Variants in DNAJB1 observed in about 807,000 individuals in gnomAD.
DNAJB1 encodes the protein DnaJ heat shock protein family (Hsp40) member B1.
Under a neutral mutation model 24.0 loss-of-function variants are expected in DNAJB1, and 14 were observed. The ratio of observed to expected loss-of-function variants is 0.58; its 90% CI spans 0.39 to 0.91. DNAJB1 has a LOEUF of 0.91. Ranked by LOEUF, DNAJB1 falls within the 40% of genes least tolerant of loss-of-function variation. The pLI is 0.00. For synonymous variants in DNAJB1, 262 were observed against 174.4 expected (o/e 1.50, Z -3.96); for missense variants, 517 against 458.1 (o/e 1.13, Z -1.17).
Position 14,516,645 on chromosome 19 carries a change from T to C in DNAJB1, c.613A>G (p.Thr205Ala). The stretch of plus-strand genomic sequence containing the variant: ...TTCCACCCCTTCTTCACTTCGATGG[T>C]CAATATTTTGTCTTCGTTTCGAATG... ...KSIRNEDKIL[T>A]IEVKKGWKEG... Residue 205 changes from threonine (T) to alanine (A), a missense_variant, in exon 2 of 3, where the codon ACC becomes GCC. Physicochemically the swap from Thr to Ala is moderately conservative, Grantham distance 58. Coordinates refer to ENST00000254322, the MANE Select transcript of DNAJB1 (RefSeq NM_006145.3). The C allele has an allele frequency of 1.2e-6, 2 of 1,614,174 alleles. No individual in the cohort carries two copies. The highest frequency in any genetic ancestry group is 1.7e-6 in the Non-Finnish European group (2 of 1,180,012).
intron 1 of DNAJB1, among the ~76,000 whole-genome samples, chr19:14,536,091 C>G (rs73002841): frequency 0.35 from 52,680 of 151,806 alleles, 9,538 homozygotes; most frequent in Non-Finnish European, 0.41. Flanking sequence ...ACCCAGAGAA[C>G]AAGGCCTTTT....
At chr19:14,536,923 C>T (rs4926126) in intron 1 of DNAJB1, among the ~76,000 whole-genome samples, 1 of 145,972 alleles carries the variant, frequency 6.9e-6, no homozygotes, top group African/African-American at 2.6e-5. Flanking sequence ...CGGCCCTACT[C>T]ACCTCTGGAC....
chr19:14,527,734 A>G (rs2072457998), exon 2 of DNAJB1: 2 of 152,100 alleles, frequency 1.3e-5, no homozygotes, highest in Admixed American at 6.6e-5. Context: ...ACCTTTAAGG[A>G]CTTCTCATCG....
intron 1 of DNAJB1, 185 bp from the exon 2 acceptor site, chr19:14,517,231 G>A (rs930194489): frequency 5.0e-6 from 3 of 603,596 alleles, no homozygotes; most frequent in Admixed American, 6.2e-5. Context: ...CCTACCAACA[G>A]TATTTCCGCG....
intron 1 of DNAJB1, among the ~76,000 whole-genome samples, chr19:14,549,211 C>CTTTTTTTTT (rs561284094): frequency 2.3e-4 from 26 of 111,160 alleles, no homozygotes; most frequent in South Asian, 3.3e-4. Context: ...TTTAATTGGA[C>CTTTTTTTTT]TTTTTTTTTT....
chr19:14,528,824 A>G (rs896224470), intron 1 of DNAJB1, among the ~76,000 whole-genome samples: 1 of 152,020 alleles, frequency 6.6e-6, no homozygotes, highest in Non-Finnish European at 1.5e-5. Flanking sequence ...GGTGCCTGTA[A>G]TCTCATCTAC....
At chr19:14,526,092 G>C (rs1482527041) in intron 2 of DNAJB1, among the ~76,000 whole-genome samples, 1 of 152,206 alleles carries the variant, frequency 6.6e-6, no homozygotes, top group Non-Finnish European at 1.5e-5. Flanking sequence ...CACATCTCTG[G>C]CATTCAAATG....
chr19:14,516,246 T>G (rs577153117), intron 2 of DNAJB1, 76 bp from the exon 3 acceptor site: 17 of 1,515,248 alleles, frequency 1.1e-5, no homozygotes, highest in South Asian at 8.1e-5. Flanking sequence ...CCGTCTGCCA[T>G]AGATAAGACC....
Position 14,518,180 on chromosome 19 carries a change from T to G in DNAJB1, c.170A>C (p.Asp57Ala). 6.3e-7 allele frequency: 1 copy of G among 1,591,650 alleles called. No homozygotes were observed. Among genetic ancestry groups the G allele is most frequent in the African/African-American group, 1.4e-5 (1 of 73,384 alleles). Residue 57 changes from aspartate to alanine, a missense_variant, in exon 1 of 3, where the codon GAC (aspartate) becomes GCC (alanine). Asp to Ala is a moderately radical substitution (Grantham distance 126). Coordinates refer to ENST00000254322, the MANE Select transcript of DNAJB1 (RefSeq NM_006145.3). ...EIAEAYDVLSDPRKREIFDRY... is the reference protein window; with the variant it reads ...EIAEAYDVLSAPRKREIFDRY... The stretch of plus-strand genomic sequence containing the variant: ...GTCGAAGATCTCGCGCTTGCGCGGG[T>G]CGCTGAGCACGTCGTAGGCCTCAGC...
rs370152331 is a variant in DNAJB1, at chr19:14,516,901, C to T, written c.357G>A (p.Arg119=). 6.2e-7 allele frequency: 1 copy of T among 1,613,932 alleles called. No homozygotes were observed. The highest frequency in any genetic ancestry group is 8.5e-7 in the Non-Finnish European group (1 of 1,180,014). The part of the protein sequence containing the change: ...RNPFDTFFGQ[R]NGEEGMDIDD... ...CAATGTCCATGCCTTCCTCCCCGTT[C>T]CGCTGCCCAAAAAAGGTGTCAAAGG... is the stretch of plus-strand genomic sequence containing the variant. Residue 119 remains arginine (R), a synonymous_variant, in exon 2 of 3, where the codon CGG becomes CGA. Coordinates refer to ENST00000254322, the MANE Select transcript of DNAJB1 (RefSeq NM_006145.3).
upstream of DNAJB1, among the ~76,000 whole-genome samples, chr19:14,551,654 G>A (rs1310776534): frequency 6.6e-6 from 1 of 152,058 alleles, no homozygotes; most frequent in Non-Finnish European, 1.5e-5. Flanking sequence ...CCCTGCCTGG[G>A]CCCCGCTGTG....
intron 1 of DNAJB1, among the ~76,000 whole-genome samples, chr19:14,549,331 G>C (rs1236476403): frequency 6.7e-6 from 1 of 149,588 alleles, no homozygotes; most frequent in East Asian, 2.0e-4. Flanking sequence ...TCCTGCCTCA[G>C]CCTCCCAAGG....
At chr19:14,546,652 C>G (rs1357746823) in intron 1 of DNAJB1, among the ~76,000 whole-genome samples, 1 of 152,098 alleles carries the variant, frequency 6.6e-6, no homozygotes, top group African/African-American at 2.4e-5. Flanking sequence ...ATGCTTAGAA[C>G]CTTTGGTCAC....
intron 1 of DNAJB1, among the ~76,000 whole-genome samples, chr19:14,540,517 G>A (rs941671617): frequency 2.6e-5 from 4 of 151,854 alleles, no homozygotes; most frequent in Admixed American, 6.6e-5. Flanking sequence ...TCAGCCTCCC[G>A]AGTAGCTGGG....
upstream of DNAJB1, chr19:14,533,941 C>G (rs1235621594): frequency 6.6e-6 from 1 of 151,970 alleles, no homozygotes; most frequent in Non-Finnish European, 1.5e-5. Flanking sequence ...AGATGAGACT[C>G]AAAGCAATGA....
At chr19:14,517,484 A>G (rs2146522216) in intron 1 of DNAJB1, 1 of 160,320 alleles carries the variant, frequency 6.2e-6, no homozygotes, top group Non-Finnish European at 1.4e-5. Flanking sequence ...CTCACACATT[A>G]GCATTCACTG....
At chr19:14,523,505 G>A (rs1456406443) in intron 2 of DNAJB1, among the ~76,000 whole-genome samples, 1 of 151,618 alleles carries the variant, frequency 6.6e-6, no homozygotes, top group African/African-American at 2.4e-5. Flanking sequence ...GTAGAGACTG[G>A]GTTTCACCAT....
chr19:14,544,838 G>A (rs1393609077), intron 1 of DNAJB1, among the ~76,000 whole-genome samples: 2 of 152,010 alleles, frequency 1.3e-5, no homozygotes, highest in Non-Finnish European at 2.9e-5. Flanking sequence ...TTGCTGTGTT[G>A]CCTAAGCTGG....
At chr19:14,523,787 T>G (rs1043158665) in intron 2 of DNAJB1, among the ~76,000 whole-genome samples, 2 of 152,024 alleles carry the variant, frequency 1.3e-5, no homozygotes, top group Non-Finnish European at 2.9e-5. Flanking sequence ...CCGGCTAATT[T>G]TTTGTATTAT....
Sources: gnomAD v4.1 joint callset for allele counts (sites outside exome capture counted in the v4.1 genomes callset) on GRCh38, gnomAD v4.1.1 for gene constraint, MANE v1.5 for transcripts, NCBI Gene and HGNC (gene_info 2026-07-23, HGNC 2026-07-21) for gene names.